The following RNF38 variants were observed in gnomAD, a reference collection of about 807,000 sequenced individuals.
RNF38 encodes ring finger protein 38, also known as E3 ubiquitin-protein ligase RNF38.
RNF38 carries 15 observed loss-of-function variants against 67.2 expected under a neutral mutation model. The ratio of observed to expected loss-of-function variants is 0.22; its 90% CI spans 0.15 to 0.34. RNF38 has a LOEUF of 0.34. RNF38 is among the 10% of genes least tolerant of loss of function. The pLI is 1.00. For synonymous variants in RNF38, 220 were observed against 218.8 expected, an observed-to-expected ratio of 1.01 and a Z score of -0.05; for missense variants, 524 against 639.9, an observed-to-expected ratio of 0.82 and a Z score of 1.95.
rs977592672 is a variant in RNF38, at chr9:36,337,019, AAAAC to A, written c.*2729_*2732del. ...CACCAAAGATGACAATTCATGCCAA[AAAAC>A]AAACAAGAACCCACAAAAAACCCAC... On this transcript the variant is annotated 3_prime_UTR_variant, in exon 12 of 12. Transcript: ENST00000259605. 14 of 152,322 alleles carry A rather than the reference AAAAC, an allele frequency of 9.2e-5. No homozygotes were observed. The highest frequency in any genetic ancestry group is 1.4e-4 in the African/African-American group (6 of 41,560). The allele number at this position is 152,322 out of a possible 1,614,324, so 9.4% of individuals were successfully genotyped here.
At position 36,357,938 on chromosome 9, in the gene RNF38, T is replaced by C; in HGVS notation, c.575A>G (p.His192Arg). The change falls in exon 5 of 12, where the codon CAT becomes CGT. Residue 192 changes from histidine to arginine, a missense_variant. Around this residue, in one of 2 missense-constraint regions of RNF38, gnomAD observed 461 missense variants for 517.4 expected, o/e 0.89. Coordinates refer to ENST00000259605, the MANE Select transcript of RNF38 (RefSeq NM_022781.5). ...AVMVDIHDQLHQGTVPVSYTV... is the reference protein window; with the variant it reads ...AVMVDIHDQLRQGTVPVSYTV... The stretch of plus-strand genomic sequence containing the variant: ...GTAAGAAACAGGGACTGTTCCTTGA[T>C]GGAGCTTTAAAGGAAAAAACAAATG... The C allele has an allele frequency of 6.2e-7, 1 of 1,611,338 alleles. No homozygotes were observed.
In RNF38 at chr9:36,441,559, G is replaced by A. The variant is rs139955447; in HGVS notation, n.242-16876C>T. Among the ~76,000 whole-genome samples, 363 of 152,132 alleles carry A rather than the reference G, an allele frequency of 2.4e-3. 1 individual carries two copies. The highest frequency in any genetic ancestry group is 8.3e-3 in the African/African-American group (343 of 41,526). On this transcript the variant is annotated intron_variant and non_coding_transcript_variant, in intron 1 of 3. Coordinates refer to the RNF38 transcript ENST00000488058. ...GGGCTGGTCTTGAACTCCTGACCTCGTGATCCACCCAGCTCGGCCTCCCAA... is the reference window on the plus strand; with the variant it reads ...GGGCTGGTCTTGAACTCCTGACCTCATGATCCACCCAGCTCGGCCTCCCAA...
intron 2 of RNF38, among the ~76,000 whole-genome samples, chr9:36,379,967 G>C (rs1836086542): frequency 6.6e-6 from 1 of 152,110 alleles, no homozygotes; most frequent in Admixed American, 6.6e-5. Context: ...CATGCTCTTG[G>C]TTCTGCAATG....
chr9:36,420,282 T>C (rs561045881), intron 2 of RNF38, among the ~76,000 whole-genome samples: 1 of 151,968 alleles, frequency 6.6e-6, no homozygotes, highest in African/African-American at 2.4e-5. Context: ...CCTGTAATCC[T>C]AGCACTTTGG....
chr9:36,450,596 C>CTTT lies in RNF38; in HGVS notation n.242-25914_242-25913insAAA, dbSNP rs548749295. 6.7e-3 allele frequency among the ~76,000 whole-genome samples: 1,015 copies of CTTT among 152,272 alleles called. 7 individuals carry two copies. Among genetic ancestry groups the CTTT allele is most frequent in the Middle Eastern group, 0.017 (5 of 294 alleles). ...CTTGGTGAGTATTTCCTAACTTAAT[C>CTTT]ATCACTATACCTATTCAATTCTCAA... On this transcript the variant is annotated intron_variant and non_coding_transcript_variant, in intron 1 of 3. Coordinates refer to the RNF38 transcript ENST00000488058.
intron 1 of RNF38, among the ~76,000 whole-genome samples, chr9:36,471,603 C>G (rs1180637599): frequency 6.6e-6 from 1 of 152,150 alleles, no homozygotes; most frequent in Non-Finnish European, 1.5e-5. Flanking sequence ...AGTTCCAGGC[C>G]AGCCTGGGCA....
intron 1 of RNF38, among the ~76,000 whole-genome samples, chr9:36,482,658 T>C (rs1235770956): frequency 6.6e-6 from 1 of 152,096 alleles, no homozygotes; most frequent in Non-Finnish European, 1.5e-5. Context: ...AGGCTGACAG[T>C]GGTATTTTCT....
chr9:36,416,376 C>T (rs1232254813), intron 2 of RNF38, among the ~76,000 whole-genome samples: 1 of 152,088 alleles, frequency 6.6e-6, no homozygotes, highest in African/African-American at 2.4e-5. Flanking sequence ...CGGTCTCAGT[C>T]CCACCATGCC....
intron 1 of RNF38, among the ~76,000 whole-genome samples, chr9:36,394,277 A>G (rs1420593160): frequency 6.6e-6 from 1 of 152,162 alleles, no homozygotes; most frequent in Non-Finnish European, 1.5e-5. Flanking sequence ...GTCTCAAAAA[A>G]AAAAAGAAAA....
At chr9:36,378,192 T>TTTTTG (rs1835921620) in intron 2 of RNF38, among the ~76,000 whole-genome samples, 1 of 140,720 alleles carries the variant, frequency 7.1e-6, no homozygotes. Context: ...TTTTTTTTTT[T>TTTTTG]GTGAGACGGA....
intron 11 of RNF38, among the ~76,000 whole-genome samples, chr9:36,341,793 AATATATATATATATATAT>A (rs1193028456): frequency 9.6e-5 from 2 of 20,940 alleles, no homozygotes; most frequent in African/African-American, 2.3e-4. Context: ...CCTGTTTCAA[AATATATATATATATATAT>A]ATATATATAT....
intron 1 of RNF38, among the ~76,000 whole-genome samples, chr9:36,396,264 T>C (rs185000686): frequency 6.6e-6 from 1 of 152,376 alleles, no homozygotes; most frequent in Admixed American, 6.5e-5. Flanking sequence ...TGAGACAAGC[T>C]AAAAGCTTTG....
intron 11 of RNF38, among the ~76,000 whole-genome samples, 172 bp from the exon 12 acceptor site, chr9:36,339,986 A>AT (rs5897634): frequency 4.0e-5 from 6 of 151,688 alleles, no homozygotes; most frequent in African/African-American, 1.5e-4. Context: ...TAGCCCAGGA[A>AT]TTTTTTTTTT....
chr9:36,376,877 G>A (rs1420758161), intron 2 of RNF38, among the ~76,000 whole-genome samples: 4 of 142,958 alleles, frequency 2.8e-5, no homozygotes, highest in African/African-American at 1.1e-4. Flanking sequence ...TGTGAGCTGA[G>A]ATCACGCCAT....
chr9:36,369,177 T>C (rs1835187056), intron 4 of RNF38, among the ~76,000 whole-genome samples: 2 of 152,314 alleles, frequency 1.3e-5, no homozygotes, highest in Middle Eastern at 3.4e-3. Context: ...TTCCTACTAA[T>C]CTTAAATCAA....
chr9:36,487,023 TC>T (rs1171538330), intron 1 of RNF38, among the ~76,000 whole-genome samples: 1 of 151,870 alleles, frequency 6.6e-6, no homozygotes, highest in Non-Finnish European at 1.5e-5. Context: ...GCAAGTCACT[TC>T]CCCCTCTAAG....
chr9:36,414,613 G>A (rs547235927), intron 2 of RNF38, among the ~76,000 whole-genome samples: 51 of 151,592 alleles, frequency 3.4e-4, no homozygotes, highest in South Asian at 1.2e-3. Flanking sequence ...TAGAACCCAG[G>A]AGGTGGAGGT....
chr9:36,432,134 T>G (rs542576312), intron 1 of RNF38, among the ~76,000 whole-genome samples: 6 of 143,908 alleles, frequency 4.2e-5, no homozygotes, highest in East Asian at 4.0e-4. Flanking sequence ...GGGTATTAAG[T>G]TTTTTTTGTT....
At chr9:36,340,561 C>G (rs558425490) in intron 11 of RNF38, among the ~76,000 whole-genome samples, 1 of 151,700 alleles carries the variant, frequency 6.6e-6, no homozygotes, top group Admixed American at 6.6e-5. Flanking sequence ...ATTTAAAAGA[C>G]GGGTTTCACT....
Sources: gnomAD v4.1 joint callset for allele counts (sites outside exome capture counted in the v4.1 genomes callset) on GRCh38, gnomAD v4.1.1 for gene constraint, gnomAD v4.1.1 regional missense constraint, MANE v1.5 for transcripts, NCBI Gene and HGNC (gene_info 2026-07-23, HGNC 2026-07-21) for gene names.